KIF26B: variants seen among roughly 807,000 people sequenced by gnomAD.
KIF26B encodes kinesin-like protein KIF26B.
In KIF26B, 63 loss-of-function variants were observed where a neutral mutation model predicts 151.2. That is an observed-to-expected ratio of 0.42 (90% CI 0.34 to 0.51). The LOEUF is 0.51. KIF26B is among the 20% of genes least tolerant of loss of function. KIF26B has a pLI of 0.07. For missense variants in KIF26B, 2,813 were observed against 2,913.6 expected, an observed-to-expected ratio of 0.97 and a Z score of 0.79; for synonymous variants, 1,357 against 1,262.1, an observed-to-expected ratio of 1.08 and a Z score of -1.59.
intron 5 of KIF26B, among the ~76,000 whole-genome samples, chr1:245,584,595 A>T (rs2043205738): frequency 6.6e-6 from 1 of 152,186 alleles, no homozygotes; most frequent in Admixed American, 6.5e-5. Flanking sequence ...TTGGCTTCCT[A>T]ATGAGTATCA....
At chr1:245,461,238 G>A (rs1659638835) in intron 4 of KIF26B, among the ~76,000 whole-genome samples, 1 of 152,090 alleles carries the variant, frequency 6.6e-6, no homozygotes, top group African/African-American at 2.4e-5. Flanking sequence ...GGGCTGACGT[G>A]GTAGAATCCA....
chr1:245,440,680 A>T (rs138621587), intron 4 of KIF26B, among the ~76,000 whole-genome samples: 1 of 152,314 alleles, frequency 6.6e-6, no homozygotes, highest in African/African-American at 2.4e-5. Flanking sequence ...TGTCCAATAC[A>T]CTAGCCCTTC....
At chr1:245,229,264 C>A (rs1573721334) in intron 2 of KIF26B, among the ~76,000 whole-genome samples, 1 of 152,162 alleles carries the variant, frequency 6.6e-6, no homozygotes, top group Middle Eastern at 3.4e-3. Flanking sequence ...GAGCCACCGC[C>A]CCCTGCCGGA....
chr1:245,529,013 CA>C (rs1307858081), intron 4 of KIF26B, among the ~76,000 whole-genome samples: 2 of 152,278 alleles, frequency 1.3e-5, no homozygotes, highest in East Asian at 3.9e-4. Flanking sequence ...AAGTTCTGGA[CA>C]AAATTAGATT....
intron 2 of KIF26B, among the ~76,000 whole-genome samples, chr1:245,202,719 T>C (rs565774505): frequency 3.5e-5 from 5 of 141,530 alleles, no homozygotes; most frequent in Admixed American, 1.5e-4. Context: ...GAGATCGCGC[T>C]GCTGCACTCC....
chr1:245,518,100 G>A (rs1039210423), intron 4 of KIF26B, among the ~76,000 whole-genome samples: 1 of 152,064 alleles, frequency 6.6e-6, no homozygotes, highest in Non-Finnish European at 1.5e-5. Flanking sequence ...TTGAACTCCT[G>A]ACCTTGTGAT....
Position 245,688,322 on chromosome 1 carries a change from C to A in KIF26B, c.5339C>A (p.Thr1780Lys). The change falls in exon 12 of 15, where the codon ACG becomes AAG. Residue 1780 changes from threonine to lysine, a missense_variant. Transcript: ENST00000407071. The part of the protein sequence containing the change: ...GSSSPPGGKH[T>K]PWSTQSLSRN... ...AGCTCGCCCCCCGGTGGGAAGCACA[C>A]GCCCTGGTCCACGCAGTCCCTCAGC... 1.9e-6 allele frequency: 3 copies of A among 1,593,734 alleles called. No homozygotes were observed. The highest frequency in any genetic ancestry group is 2.5e-6 in the Non-Finnish European group (3 of 1,177,582).
intron 2 of KIF26B, among the ~76,000 whole-genome samples, chr1:245,364,704 G>A (rs1205841252): frequency 6.6e-6 from 1 of 152,106 alleles, no homozygotes; most frequent in East Asian, 1.9e-4. Flanking sequence ...ACAGGCATGA[G>A]CCACCGCGCC....
intron 12 of KIF26B, among the ~76,000 whole-genome samples, chr1:245,696,418 G>A (rs2044694058): frequency 6.6e-6 from 1 of 152,200 alleles, no homozygotes; most frequent in African/African-American, 2.4e-5. Context: ...CTGACAGCTT[G>A]CCTGCGACTC....
At chr1:245,569,930 T>TG (rs2043050176) in intron 5 of KIF26B, among the ~76,000 whole-genome samples, 1 of 105,876 alleles carries the variant, frequency 9.4e-6, no homozygotes, top group African/African-American at 3.6e-5. Flanking sequence ...ATAGAGAATT[T>TG]TTTTTTTTTT....
intron 2 of KIF26B, among the ~76,000 whole-genome samples, chr1:245,304,197 T>A (rs1671493258): frequency 6.6e-6 from 1 of 152,190 alleles, no homozygotes; most frequent in African/African-American, 2.4e-5. Flanking sequence ...TCAGATGGAT[T>A]CCAGTCTCAT....
At chr1:245,534,463 CT>C (rs1661446087) in intron 4 of KIF26B, among the ~76,000 whole-genome samples, 1 of 151,968 alleles carries the variant, frequency 6.6e-6, no homozygotes, top group South Asian at 2.1e-4. Flanking sequence ...ACCTGGCCCA[CT>C]TTTTGTTTTT....
intron 10 of KIF26B, among the ~76,000 whole-genome samples, chr1:245,656,948 A>G (rs2044081783): frequency 6.6e-6 from 1 of 152,218 alleles, no homozygotes; most frequent in Non-Finnish European, 1.5e-5. Flanking sequence ...GTAATTTTGT[A>G]ACTAAAACAG....
intron 2 of KIF26B, among the ~76,000 whole-genome samples, chr1:245,263,403 T>TC (rs1670682877): frequency 6.6e-6 from 1 of 152,204 alleles, no homozygotes; most frequent in African/African-American, 2.4e-5. Flanking sequence ...CTTCGGTGCT[T>TC]CCCTTCTCAC....
At chr1:245,583,032 C>A (rs2043191209) in intron 5 of KIF26B, among the ~76,000 whole-genome samples, 1 of 152,114 alleles carries the variant, frequency 6.6e-6, no homozygotes, top group Admixed American at 6.5e-5. Flanking sequence ...CCACCCCCTA[C>A]TCACCCCCTG....
chr1:245,321,864 A>G (rs1284850352), intron 2 of KIF26B, among the ~76,000 whole-genome samples: 1 of 152,226 alleles, frequency 6.6e-6, no homozygotes, highest in Non-Finnish European at 1.5e-5. Flanking sequence ...AGAAAGCAGC[A>G]TCACCTTGGA....
intron 4 of KIF26B, among the ~76,000 whole-genome samples, chr1:245,509,999 G>C (rs1660797429): frequency 6.6e-6 from 1 of 152,166 alleles, no homozygotes; most frequent in Non-Finnish European, 1.5e-5. Flanking sequence ...GCTTTGGCTG[G>C]GTCTGTGGAG....
chr1:245,611,752 T>G lies in KIF26B; in HGVS notation c.1915-41T>G, dbSNP rs759861415. The G allele has an allele frequency of 3.1e-6, 5 of 1,591,648 alleles. No individual in the cohort carries two copies. The Admixed American group carries it at 7.0e-5, about 22-fold the overall frequency. The stretch of plus-strand genomic sequence containing the variant: ...CCCAGGCATGAGTGACAGCAAGCCC[T>G]CCTCAGCCTGCAGCCTCATCTCTTG... On this transcript the variant is annotated intron_variant, in intron 8 of 14. Coordinates refer to ENST00000407071, the MANE Select transcript of KIF26B (RefSeq NM_018012.4).
chr1:245,228,303 C>T (rs1490453813), intron 2 of KIF26B, among the ~76,000 whole-genome samples: 1 of 152,172 alleles, frequency 6.6e-6, no homozygotes, highest in Non-Finnish European at 1.5e-5. Flanking sequence ...GGGGCATCTC[C>T]AGGTATCTTC....
Sources: gnomAD v4.1 joint callset for allele counts (sites outside exome capture counted in the v4.1 genomes callset) on GRCh38, gnomAD v4.1.1 for gene constraint, MANE v1.5 for transcripts, NCBI Gene and HGNC (gene_info 2026-07-23, HGNC 2026-07-21) for gene names.